The following GPC5 variants were observed in gnomAD, a reference collection of about 807,000 sequenced individuals.
GPC5 encodes the protein glypican 5.
Under a neutral mutation model 53.9 loss-of-function variants are expected in GPC5, and 47 were observed. The ratio of observed to expected loss-of-function variants is 0.87; its 90% CI spans 0.69 to 1.11. GPC5 has a LOEUF of 1.11. Ranked by LOEUF, GPC5 falls within the 50% of genes most tolerant of loss-of-function variation. The probability of loss-of-function intolerance (pLI) is 0.00; values close to 1 mark genes in which losing one functional copy is unlikely to be tolerated. For synonymous variants in GPC5, 286 were observed against 263.3 expected (o/e 1.09, Z -0.84); for missense variants, 748 against 713.1 (o/e 1.05, Z -0.56).
At chr13:92,424,961 T>C (rs1876765767) in intron 7 of GPC5, among the ~76,000 whole-genome samples, 1 of 152,116 alleles carries the variant, frequency 6.6e-6, no homozygotes, top group Admixed American at 6.5e-5. Flanking sequence ...AGTATTTCTG[T>C]CTTGATAGGC....
chr13:91,797,089 C>A (rs2038058656), intron 5 of GPC5, among the ~76,000 whole-genome samples: 1 of 151,788 alleles, frequency 6.6e-6, no homozygotes, highest in Non-Finnish European at 1.5e-5. Context: ...TAAATTATCT[C>A]ACTTAAAAAA....
chr13:92,541,485 A>G (rs1052790767), intron 7 of GPC5, among the ~76,000 whole-genome samples: 6 of 151,788 alleles, frequency 4.0e-5, no homozygotes, highest in Admixed American at 2.6e-4. Flanking sequence ...TGCCTGTTAA[A>G]TTCTTTTTAC....
intron 7 of GPC5, among the ~76,000 whole-genome samples, chr13:92,210,595 A>C (rs1226655759): frequency 1.3e-5 from 2 of 152,162 alleles, no homozygotes; most frequent in East Asian, 1.9e-4. Context: ...AGTGGTCCAT[A>C]ATTTTTTTTT....
intron 4 of GPC5, among the ~76,000 whole-genome samples, chr13:91,729,174 G>A (rs2036640454): frequency 6.6e-6 from 1 of 152,118 alleles, no homozygotes; most frequent in Admixed American, 6.6e-5. Context: ...AATTTTACAT[G>A]AAATGCTAGA....
chr13:92,089,857 A>C (rs1316893290), intron 6 of GPC5, among the ~76,000 whole-genome samples: 6 of 152,226 alleles, frequency 3.9e-5, no homozygotes, highest in African/African-American at 1.4e-4. Flanking sequence ...GCTCAAATTT[A>C]ATCATGTTAC....
At chr13:92,663,678 C>CTA (rs1027037089) in intron 7 of GPC5, among the ~76,000 whole-genome samples, 2 of 138,162 alleles carry the variant, frequency 1.4e-5, no homozygotes, top group Non-Finnish European at 3.0e-5. Flanking sequence ...TATATATACA[C>CTA]TATATATATC....
At position 91,574,834 on chromosome 13, in the gene GPC5, A is replaced by T. The variant is rs76418370; in HGVS notation, c.326-118353A>T. 6.1e-3 allele frequency among the ~76,000 whole-genome samples: 935 copies of T among 152,258 alleles called. 9 individuals carry two copies. Among genetic ancestry groups the T allele is most frequent in the African/African-American group, 0.022 (902 of 41,554 alleles). The stretch of plus-strand genomic sequence containing the variant: ...TTAAGTTAGAACTTGGACTCTGTCC[A>T]TGTTCTAATACTCCTAATGATTAGT... On this transcript the variant is annotated intron_variant, in intron 2 of 7. Coordinates refer to ENST00000377067, the MANE Select transcript of GPC5 (RefSeq NM_004466.6).
At chr13:92,233,138 T>C (rs1422357688) in intron 7 of GPC5, among the ~76,000 whole-genome samples, 2 of 152,212 alleles carry the variant, frequency 1.3e-5, no homozygotes, top group African/African-American at 4.8e-5. Context: ...AAAAGAACAA[T>C]GCCTGTGGCA....
chr13:92,570,846 A>G (rs1255863223), intron 7 of GPC5, among the ~76,000 whole-genome samples: 1 of 152,174 alleles, frequency 6.6e-6, no homozygotes, highest in South Asian at 2.1e-4. Flanking sequence ...GTTGATCCTC[A>G]CAACAGCCAC....
chr13:92,659,787 G>C (rs1886274890), intron 7 of GPC5, among the ~76,000 whole-genome samples: 1 of 152,144 alleles, frequency 6.6e-6, no homozygotes, highest in East Asian at 1.9e-4. Context: ...TCCACATCTG[G>C]TAGGGCTGAT....
At chr13:91,754,683 T>A (rs1341570069) in intron 4 of GPC5, among the ~76,000 whole-genome samples, 2 of 152,142 alleles carry the variant, frequency 1.3e-5, no homozygotes, top group African/African-American at 2.4e-5. Context: ...AGAATTAGTC[T>A]GCTTCCTCAA....
chr13:92,424,664 C>T lies in GPC5; in HGVS notation c.1561+279675C>T, dbSNP rs141898701. On this transcript the variant is annotated intron_variant, in intron 7 of 7. Transcript: ENST00000377067. ...GATCTCTGTATTTTTTTTTTTAATTCGTGGGTCTCTCTTCCACTAGTCTCA... is the reference window on the plus strand; with the variant it reads ...GATCTCTGTATTTTTTTTTTTAATTTGTGGGTCTCTCTTCCACTAGTCTCA... 4.1e-3 allele frequency among the ~76,000 whole-genome samples: 613 copies of T among 150,344 alleles called. 4 individuals carry two copies. Among genetic ancestry groups the T allele is most frequent in the African/African-American group, 0.014 (557 of 41,002 alleles).
At chr13:92,381,887 T>C (rs1202818348) in intron 7 of GPC5, among the ~76,000 whole-genome samples, 1 of 91,146 alleles carries the variant, frequency 1.1e-5, no homozygotes, top group Non-Finnish European at 2.3e-5. Context: ...TGATTATATA[T>C]ATTATATATA....
chr13:91,925,071 G>A (rs2039754195), intron 6 of GPC5, among the ~76,000 whole-genome samples: 1 of 151,986 alleles, frequency 6.6e-6, no homozygotes, highest in Non-Finnish European at 1.5e-5. Context: ...CGCCCGCCTC[G>A]GCCTCCCAAA....
chr13:92,358,315 C>T (rs2043539171), intron 7 of GPC5, among the ~76,000 whole-genome samples: 1 of 149,402 alleles, frequency 6.7e-6, no homozygotes, highest in South Asian at 2.1e-4. Context: ...AACTCCACCC[C>T]TGTGGCTCTG....
intron 3 of GPC5, among the ~76,000 whole-genome samples, chr13:91,720,188 T>A (rs1186476588): frequency 6.6e-6 from 1 of 152,152 alleles, no homozygotes; most frequent in Non-Finnish European, 1.5e-5. Flanking sequence ...GCCTTCCTTC[T>A]CCAAAATTCC....
intron 7 of GPC5, among the ~76,000 whole-genome samples, chr13:92,625,768 C>G (rs1885027184): frequency 6.6e-6 from 1 of 152,140 alleles, no homozygotes; most frequent in Non-Finnish European, 1.5e-5. Flanking sequence ...GGTTAAAACC[C>G]AAAAGTCAAA....
At chr13:92,815,694 C>T (rs1273245668) in intron 7 of GPC5, among the ~76,000 whole-genome samples, 1 of 151,378 alleles carries the variant, frequency 6.6e-6, no homozygotes, top group Non-Finnish European at 1.5e-5. Context: ...GGCCAGGACT[C>T]CTGTGGCTGT....
At chr13:91,864,764 A>G (rs1230046178) in intron 5 of GPC5, among the ~76,000 whole-genome samples, 1 of 152,230 alleles carries the variant, frequency 6.6e-6, no homozygotes, top group Non-Finnish European at 1.5e-5. Flanking sequence ...TTTCAAGTTA[A>G]GTAATTCTAA....
Sources: allele counts gnomAD v4.1 joint callset (sites outside exome capture counted in the v4.1 genomes callset), GRCh38; gene constraint gnomAD v4.1.1; transcripts MANE v1.5; gene names NCBI Gene and HGNC (gene_info 2026-07-23, HGNC 2026-07-21).